The following GHR variants were observed in gnomAD, a reference collection of about 807,000 sequenced individuals.
GHR encodes the protein GH receptor.
A neutral mutation model predicts 67.1 loss-of-function variants in GHR; 35 were observed. The observed-to-expected ratio is 0.52, with a 90% CI of 0.40 to 0.69. The LOEUF (loss-of-function observed/expected upper bound fraction) is 0.69, where lower values mean the gene tolerates loss of function less well. Ranked by LOEUF, GHR falls within the 30% of genes least tolerant of loss-of-function variation. The pLI, the probability that GHR is intolerant of heterozygous loss-of-function variation, is 0.00. For missense variants in GHR, 792 were observed against 764.6 expected, an observed-to-expected ratio of 1.04 and a Z score of -0.42; for synonymous variants, 272 against 269.1, an observed-to-expected ratio of 1.01 and a Z score of -0.10.
intron 1 of GHR, among the ~76,000 whole-genome samples, chr5:42,506,495 A>C (rs187010217): frequency 1.2e-3 from 189 of 152,336 alleles, no homozygotes; most frequent in African/African-American, 4.1e-3. Flanking sequence ...AAATTTAAAA[A>C]GTTTCTAACA....
intron 2 of GHR, among the ~76,000 whole-genome samples, chr5:42,576,143 T>TAAAATAAAATAAAATAAAATAAAAA (rs1359047675): frequency 6.0e-4 from 50 of 83,456 alleles, no homozygotes; most frequent in African/African-American, 2.0e-3. Context: ...TAAAATAAAA[T>TAAAATAAAATAAAATAAAATAAAAA]AGTAAAGTAA....
intron 2 of GHR, among the ~76,000 whole-genome samples, chr5:42,601,375 C>CA (rs1275812850): frequency 6.6e-6 from 1 of 152,032 alleles, no homozygotes; most frequent in African/African-American, 2.4e-5. Context: ...TACATAATTA[C>CA]TAGTATAACT....
intron 2 of GHR, among the ~76,000 whole-genome samples, chr5:42,593,839 A>T (rs1751927095): frequency 6.6e-6 from 1 of 152,196 alleles, no homozygotes; most frequent in Non-Finnish European, 1.5e-5. Flanking sequence ...GGGAAATCAG[A>T]TGCTGATTTC....
intron 1 of GHR, chr5:42,514,024 T>C: frequency 1.4e-6 from 1 of 737,214 alleles, no homozygotes; most frequent in Non-Finnish European, 1.7e-6. Context: ...TATTACTTAC[T>C]GGAAAAGAAA....
Position 42,712,385 on chromosome 5 carries a change from A to T in GHR, c.784+1013A>T, listed in dbSNP as rs971343363. On this transcript the variant is annotated intron_variant, in intron 7 of 9. Transcript: ENST00000230882. Reference sequence around the variant, plus strand: ...TGTAGTGGCATTTAATTCACTTAACATATATTTTTTAAACTGCCTTTTCCT... The same window carrying T: ...TGTAGTGGCATTTAATTCACTTAACTTATATTTTTTAAACTGCCTTTTCCT... Among the ~76,000 whole-genome samples the T allele has an allele frequency of 2.0e-5, 3 of 152,108 alleles. No individual in the cohort carries two copies. In the South Asian group the frequency reaches 6.2e-4, roughly 32 times the overall value.
At chr5:42,469,411 G>C (rs151277463) in intron 1 of GHR, among the ~76,000 whole-genome samples, 176 of 152,234 alleles carry the variant, frequency 1.2e-3, no homozygotes, top group African/African-American at 3.8e-3. Context: ...TTTCACTTCT[G>C]GAATATTCCA....
chr5:42,548,484 A>C, intron 1 of GHR: 1 of 985,244 alleles, frequency 1.0e-6, no homozygotes, highest in Non-Finnish European at 1.2e-6. Flanking sequence ...GGAGGAAACA[A>C]TACGAAAATC....
chr5:42,494,145 A>C (rs573664623), intron 1 of GHR, among the ~76,000 whole-genome samples: 2 of 152,282 alleles, frequency 1.3e-5, no homozygotes, highest in East Asian at 3.9e-4. Context: ...GAAATATTTT[A>C]GGAGCTCAAA....
chr5:42,426,111 G>T (rs989527809), intron 1 of GHR, among the ~76,000 whole-genome samples: 4 of 152,160 alleles, frequency 2.6e-5, no homozygotes, highest in African/African-American at 7.2e-5. Context: ...TATCTCTGGC[G>T]CCTGCTTAAA....
At chr5:42,636,126 C>T (rs948512480) in intron 3 of GHR, among the ~76,000 whole-genome samples, 3 of 145,656 alleles carry the variant, frequency 2.1e-5, no homozygotes, top group Admixed American at 7.2e-5. Flanking sequence ...AGGAGAATGG[C>T]GTGAACCCGG....
At chr5:42,433,922 G>A (rs1743210790) in intron 1 of GHR, among the ~76,000 whole-genome samples, 1 of 151,876 alleles carries the variant, frequency 6.6e-6, no homozygotes, top group Admixed American at 6.6e-5. Context: ...TATTATGGTC[G>A]CTGCATATAG....
chr5:42,537,757 T>C (rs1748323844), intron 1 of GHR, among the ~76,000 whole-genome samples: 1 of 152,058 alleles, frequency 6.6e-6, no homozygotes, highest in Admixed American at 6.6e-5. Context: ...CAGTGGAATA[T>C]TGAAGTCCCC....
At chr5:42,531,503 G>A (rs922512104) in intron 1 of GHR, among the ~76,000 whole-genome samples, 8 of 151,394 alleles carry the variant, frequency 5.3e-5, no homozygotes, top group Middle Eastern at 3.2e-3. Context: ...AGTGGGTCTC[G>A]GTCTCACTCT....
intron 1 of GHR, among the ~76,000 whole-genome samples, chr5:42,478,140 A>G (rs1341070981): frequency 6.6e-6 from 1 of 152,170 alleles, no homozygotes; most frequent in Non-Finnish European, 1.5e-5. Context: ...TTAAATAGGG[A>G]ATCCTTTCCC....
intron 3 of GHR, among the ~76,000 whole-genome samples, chr5:42,670,792 A>T (rs967180784): frequency 4.0e-5 from 6 of 151,572 alleles, no homozygotes; most frequent in African/African-American, 1.5e-4. Flanking sequence ...ATATGTAACT[A>T]ACCTGCACAA....
intron 1 of GHR, among the ~76,000 whole-genome samples, chr5:42,563,624 C>CA (rs1168788232): frequency 0.034 from 1,521 of 44,980 alleles, 184 homozygotes; most frequent in African/African-American, 0.051. Context: ...GACTCCGTCT[C>CA]AAAAAAAAAA....
intron 6 of GHR, among the ~76,000 whole-genome samples, chr5:42,706,544 T>C (rs1282179002): frequency 6.6e-6 from 1 of 152,204 alleles, no homozygotes; most frequent in Admixed American, 6.6e-5. Context: ...AAACCTTTAA[T>C]CCATCTTGAG....
chr5:42,603,887 A>G (rs1752497450), intron 2 of GHR, among the ~76,000 whole-genome samples: 1 of 152,156 alleles, frequency 6.6e-6, no homozygotes, highest in African/African-American at 2.4e-5. Context: ...CCAACTTCCA[A>G]TGCCAATTGC....
At chr5:42,530,127 C>T (rs1340819708) in intron 1 of GHR, among the ~76,000 whole-genome samples, 3 of 145,140 alleles carry the variant, frequency 2.1e-5, no homozygotes, top group South Asian at 2.3e-4. Flanking sequence ...TATATGTGTA[C>T]ATTTTATAAT....
Sources: allele counts gnomAD v4.1 joint callset (sites outside exome capture counted in the v4.1 genomes callset), GRCh38; gene constraint gnomAD v4.1.1; transcripts MANE v1.5; gene names NCBI Gene and HGNC (gene_info 2026-07-23, HGNC 2026-07-21).